The following SORCS3 variants were observed in gnomAD, a reference collection of about 807,000 sequenced individuals.
SORCS3 encodes the protein VPS10 domain-containing receptor SorCS3.
SORCS3 carries 57 observed loss-of-function variants against 146.3 expected under a neutral mutation model. That is an observed-to-expected ratio of 0.39 (90% CI 0.31 to 0.49). SORCS3 has a LOEUF of 0.49. Ranked by LOEUF, SORCS3 falls within the 20% of genes least tolerant of loss-of-function variation. The pLI is 0.92. For synonymous variants in SORCS3, 653 were observed against 618.5 expected (o/e 1.06, Z -0.83); for missense variants, 1,341 against 1,575.5 (o/e 0.85, Z 2.52).
intron 1 of SORCS3, among the ~76,000 whole-genome samples, chr10:104,738,811 C>T (rs944847867): frequency 6.6e-6 from 1 of 152,144 alleles, no homozygotes; most frequent in South Asian, 2.1e-4. Flanking sequence ...AAGGGCTTCC[C>T]AGTACTCAAG....
intron 2 of SORCS3, among the ~76,000 whole-genome samples, chr10:104,846,955 C>T (rs1290350590): frequency 1.3e-5 from 2 of 152,144 alleles, no homozygotes; most frequent in African/African-American, 4.8e-5. Flanking sequence ...TATCCATCTT[C>T]AAAAATGGAA....
At chr10:105,074,037 A>G (rs543390176) in intron 5 of SORCS3, among the ~76,000 whole-genome samples, 7 of 152,238 alleles carry the variant, frequency 4.6e-5, no homozygotes, top group Non-Finnish European at 1.0e-4. Flanking sequence ...TTCAGTAAAG[A>G]CCTCATTTTC....
chr10:104,998,895 G>A (rs928844121), intron 4 of SORCS3, among the ~76,000 whole-genome samples: 2 of 152,124 alleles, frequency 1.3e-5, no homozygotes, highest in African/African-American at 2.4e-5. Flanking sequence ...CAAGGCTCAT[G>A]TTCTCTAATT....
At chr10:105,214,688 C>A in intron 18 of SORCS3, 75 bp downstream of exon 18, 1 of 1,370,258 alleles carries the variant, frequency 7.3e-7, no homozygotes, top group Non-Finnish European at 9.8e-7. Context: ...GAAGATCTTA[C>A]ATTCCCACAG....
At chr10:105,169,334 G>A (rs1157546398) in intron 13 of SORCS3, among the ~76,000 whole-genome samples, 2 of 152,116 alleles carry the variant, frequency 1.3e-5, no homozygotes, top group African/African-American at 4.8e-5. Flanking sequence ...GGCAGTACAT[G>A]TGTGACTAGA....
intron 4 of SORCS3, among the ~76,000 whole-genome samples, chr10:105,002,762 T>C (rs2055069981): frequency 6.6e-6 from 1 of 152,208 alleles, no homozygotes; most frequent in Admixed American, 6.5e-5. Context: ...AAGGCCTGGA[T>C]TGGAACCTGG....
At chr10:104,837,499 C>T (rs1170989442) in intron 1 of SORCS3, among the ~76,000 whole-genome samples, 4 of 152,138 alleles carry the variant, frequency 2.6e-5, no homozygotes, top group Non-Finnish European at 5.9e-5. Flanking sequence ...TTTCATTTCT[C>T]CTGCTGTCTA....
intron 1 of SORCS3, 68 bp downstream of exon 1, chr10:104,642,022 G>GGGGGGGGGGGGGGGCCCA: frequency 5.8e-6 from 1 of 173,336 alleles, no homozygotes; most frequent in Non-Finnish European, 1.1e-5. Context: ...GGGTGGGTGG[G>GGGGGGGGGGGGGGGCCCA]AGCGAGGGAC....
intron 1 of SORCS3, among the ~76,000 whole-genome samples, chr10:104,700,702 T>C (rs9787523): frequency 0.36 from 54,933 of 151,942 alleles, 11,347 homozygotes; most frequent in East Asian, 0.64. Flanking sequence ...TACCAACTGA[T>C]GCTGACTGTC....
At chr10:105,064,649 C>A (rs2055510547) in intron 5 of SORCS3, among the ~76,000 whole-genome samples, 1 of 145,402 alleles carries the variant, frequency 6.9e-6, no homozygotes, top group African/African-American at 2.4e-5. Flanking sequence ...TTCTGGAGTT[C>A]TGATGTTCAA....
At chr10:105,159,912 T>G (rs998398920) in intron 11 of SORCS3, among the ~76,000 whole-genome samples, 23 of 152,272 alleles carry the variant, frequency 1.5e-4, no homozygotes, top group Admixed American at 1.5e-3. Context: ...GGCATGTTAG[T>G]CAACTCCTGT....
At chr10:104,790,961 A>G (rs1297552257) in intron 1 of SORCS3, among the ~76,000 whole-genome samples, 4 of 152,184 alleles carry the variant, frequency 2.6e-5, no homozygotes, top group African/African-American at 9.7e-5. Context: ...TTGCATAAGG[A>G]CTAAAACAGG....
intron 8 of SORCS3, among the ~76,000 whole-genome samples, chr10:105,143,940 C>T (rs937588282): frequency 1.6e-4 from 25 of 152,128 alleles, no homozygotes; most frequent in African/African-American, 5.8e-4. Context: ...TTAAGCCTTT[C>T]TCCCTGCCTC....
intron 7 of SORCS3, among the ~76,000 whole-genome samples, chr10:105,117,893 C>T (rs1395822294): frequency 6.6e-6 from 1 of 152,212 alleles, no homozygotes; most frequent in East Asian, 1.9e-4. Flanking sequence ...CTCCTTCTTT[C>T]TTGAAGCATT....
At chr10:104,735,000 G>C (rs1327037819) in intron 1 of SORCS3, among the ~76,000 whole-genome samples, 2 of 152,016 alleles carry the variant, frequency 1.3e-5, no homozygotes, top group Non-Finnish European at 2.9e-5. Context: ...ATTTTTTATT[G>C]CAGTTAATTA....
At chr10:105,217,249 G>T (rs2056670914) in intron 19 of SORCS3, 127 bp downstream of exon 19, 1 of 806,638 alleles carries the variant, frequency 1.2e-6, no homozygotes, top group East Asian at 2.6e-5. Flanking sequence ...AAACCAAATG[G>T]TGGAGATATG....
intron 1 of SORCS3, among the ~76,000 whole-genome samples, chr10:104,748,775 C>T (rs1427974131): frequency 1.3e-5 from 2 of 152,326 alleles, no homozygotes; most frequent in East Asian, 3.9e-4. Context: ...ATTGCTTGAA[C>T]CCATGAGGCA....
intron 7 of SORCS3, among the ~76,000 whole-genome samples, chr10:105,118,600 G>T (rs1307461105): frequency 6.6e-6 from 1 of 152,138 alleles, no homozygotes; most frequent in Non-Finnish European, 1.5e-5. Flanking sequence ...AAAGTTTTGA[G>T]CTTCCTAGAG....
intron 1 of SORCS3, among the ~76,000 whole-genome samples, chr10:104,676,983 T>A (rs2015919269): frequency 6.6e-6 from 1 of 152,224 alleles, no homozygotes; most frequent in Admixed American, 6.5e-5. Flanking sequence ...ATAATGCCAG[T>A]TCACCCTGGT....
Sources: allele counts gnomAD v4.1 joint callset (sites outside exome capture counted in the v4.1 genomes callset), GRCh38; gene constraint gnomAD v4.1.1; transcripts MANE v1.5; gene names NCBI Gene and HGNC (gene_info 2026-07-23, HGNC 2026-07-21).